The following VPS13A variants were observed in gnomAD, a reference collection of about 807,000 sequenced individuals.
VPS13A encodes the protein vacuolar protein sorting 13 homolog A.
Under a neutral mutation model 390.9 loss-of-function variants are expected in VPS13A, and 264 were observed. The ratio of observed to expected loss-of-function variants is 0.68; its 90% CI spans 0.61 to 0.75. The LOEUF (loss-of-function observed/expected upper bound fraction) is 0.75, where lower values mean the gene tolerates loss of function less well. VPS13A is among the 30% of genes least tolerant of loss of function. The pLI, the probability that VPS13A is intolerant of heterozygous loss-of-function variation, is 0.00. For missense variants in VPS13A, 3,409 were observed against 3,733.9 expected (o/e 0.91, Z 2.27); for synonymous variants, 1,231 against 1,227.1 (o/e 1.00, Z -0.07).
chr9:77,239,996 T>A (rs1220650795), intron 19 of VPS13A, among the ~76,000 whole-genome samples: 1 of 113,134 alleles, frequency 8.8e-6, no homozygotes, highest in African/African-American at 3.1e-5. Context: ...CCATATACTA[T>A]TTTTTTTACT....
At chr9:77,181,146 A>T (rs116750949) in intron 1 of VPS13A, among the ~76,000 whole-genome samples, 5,183 of 152,272 alleles carry the variant, frequency 0.034, 305 homozygotes, top group African/African-American at 0.12. Context: ...GTATTTTTTT[A>T]AAATATTCTT....
rs570501999 is a variant in VPS13A, at chr9:77,311,146, G to A, written c.4115-2846G>A. Among the ~76,000 whole-genome samples the A allele has an allele frequency of 7.1e-4, 108 of 152,018 alleles. 6 individuals carry two copies. The South Asian group carries it at 0.021, about 30-fold the overall frequency. The stretch of plus-strand genomic sequence containing the variant: ...TCACTGTGTTACCCAGGATGGTCTC[G>A]ATCTCCTGACCTCGTGATCCCCCTG... On this transcript the variant is annotated intron_variant, in intron 35 of 71. Transcript: ENST00000360280.
chr9:77,220,099 A>C lies in VPS13A; in HGVS notation c.882+18A>C, dbSNP rs1002784919. The C allele has an allele frequency of 6.3e-7, 1 of 1,590,836 alleles. No individual in the cohort carries two copies. Among genetic ancestry groups the C allele is most frequent in the East Asian group, 2.2e-5 (1 of 44,618 alleles). ...AACCACAGGTGATTTTCTTTAATATAATTTTCAATTGTGAATTATTGTTTG... is the reference window on the plus strand; with the variant it reads ...AACCACAGGTGATTTTCTTTAATATCATTTTCAATTGTGAATTATTGTTTG... On this transcript the variant is annotated intron_variant, in intron 11 of 71. Coordinates refer to ENST00000360280, the MANE Select transcript of VPS13A (RefSeq NM_033305.3).
At chr9:77,272,681 C>T (rs1443993894) in intron 23 of VPS13A, among the ~76,000 whole-genome samples, 1 of 152,022 alleles carries the variant, frequency 6.6e-6, no homozygotes, top group Non-Finnish European at 1.5e-5. Context: ...TAAATAAAAG[C>T]AAGATCATGA....
At chr9:77,374,535 GAATGGCATGC>G (rs1453843745) in intron 67 of VPS13A, among the ~76,000 whole-genome samples, 4 of 152,116 alleles carry the variant, frequency 2.6e-5, no homozygotes, top group Non-Finnish European at 4.4e-5. Context: ...ATACTACTCA[GAATGGCATGC>G]AATTTAAAAT....
chr9:77,239,496 C>G (rs953756528), intron 19 of VPS13A, among the ~76,000 whole-genome samples: 1 of 151,706 alleles, frequency 6.6e-6, no homozygotes, highest in Non-Finnish European at 1.5e-5. Context: ...TAATTTTTTT[C>G]CCTTTGTACT....
intron 67 of VPS13A, among the ~76,000 whole-genome samples, chr9:77,380,203 T>C (rs1371835162): frequency 6.6e-6 from 1 of 152,222 alleles, no homozygotes; most frequent in Admixed American, 6.5e-5. Context: ...GCATATATTT[T>C]CTCCTTTTTA....
chr9:77,255,271 A>G (rs1252034450), intron 22 of VPS13A, among the ~76,000 whole-genome samples: 2 of 152,244 alleles, frequency 1.3e-5, no homozygotes, highest in Admixed American at 6.5e-5. Context: ...AATGATCAAG[A>G]TGATTTTTTT....
At position 77,405,907 on chromosome 9, in the gene VPS13A, T is replaced by G; in HGVS notation, c.9319T>G (p.Cys3107Gly). The G allele has an allele frequency of 6.2e-7, 1 of 1,613,876 alleles. No individual in the cohort carries two copies. The highest frequency in any genetic ancestry group is 8.5e-7 in the Non-Finnish European group (1 of 1,179,922). The part of the protein sequence containing the change: ...VTKGTFGQLT[C>G]EWQYSFDEFT... The stretch of plus-strand genomic sequence containing the variant: ...AAAGGGAACATTTGGACAACTCACG[T>G]GTGAGTGGCAGTATAGTTTTGATGA... The change falls in exon 70 of 72, where the codon TGT (cysteine) becomes GGT (glycine). Residue 3107 changes from cysteine (C) to glycine (G), a missense_variant. Around this residue, in one of 5 missense-constraint regions of VPS13A, gnomAD observed 318 missense variants for 333.7 expected, o/e 0.95. Transcript: ENST00000360280.
rs201300715 is a variant in VPS13A, at chr9:77,332,036, G to C, written c.6018G>C (p.Leu2006=). The C allele has an allele frequency of 1.2e-6, 2 of 1,610,982 alleles. No homozygotes were observed. The highest frequency in any genetic ancestry group is 1.7e-5 in the Admixed American group (1 of 59,950). ...VQIRNHFSVP[L]SVYEGDTLLG... is the part of the protein sequence containing the mutation. The stretch of plus-strand genomic sequence containing the variant: ...TAAGAAATCATTTTTCAGTCCCACT[G>C]TCTGTTTACGAAGGGGATACCTTAT... The change falls in exon 46 of 72, where the codon CTG becomes CTC. Residue 2006 remains leucine (L), a synonymous_variant. Coordinates refer to ENST00000360280, the MANE Select transcript of VPS13A (RefSeq NM_033305.3).
intron 34 of VPS13A, among the ~76,000 whole-genome samples, chr9:77,303,750 T>G (rs1315190189): frequency 6.6e-6 from 1 of 152,214 alleles, no homozygotes; most frequent in Admixed American, 6.5e-5. Flanking sequence ...GACGTGCACG[T>G]AAGCCAGATT....
At chr9:77,217,680 A>G (rs1282701563) in intron 10 of VPS13A, among the ~76,000 whole-genome samples, 3 of 151,920 alleles carry the variant, frequency 2.0e-5, no homozygotes, top group Non-Finnish European at 4.4e-5. Flanking sequence ...CATGATGTTC[A>G]TGTACCACAT....
At chr9:77,301,039 G>A (rs772762894) in intron 33 of VPS13A, among the ~76,000 whole-genome samples, 1 of 152,222 alleles carries the variant, frequency 6.6e-6, no homozygotes, top group Non-Finnish European at 1.5e-5. Flanking sequence ...TAAGGTGCAT[G>A]TGGGAGCACG....
chr9:77,347,158 G>A (rs1409614765), intron 52 of VPS13A, among the ~76,000 whole-genome samples: 1 of 152,036 alleles, frequency 6.6e-6, no homozygotes, highest in Non-Finnish European at 1.5e-5. Flanking sequence ...GTATTGCTTT[G>A]GCTATGAGGG....
intron 35 of VPS13A, among the ~76,000 whole-genome samples, chr9:77,311,259 T>C (rs1005619183): frequency 6.6e-6 from 1 of 152,118 alleles, no homozygotes; most frequent in African/African-American, 2.4e-5. Flanking sequence ...GCTACTTTGT[T>C]ACTGCCCACA....
intron 61 of VPS13A, 24 bp downstream of exon 61, chr9:77,366,896 A>G: frequency 3.7e-6 from 6 of 1,605,984 alleles, no homozygotes; most frequent in Non-Finnish European, 5.1e-6. Context: ...TCAAATCTGT[A>G]AATTGATGGA....
At chr9:77,257,936 G>T (rs911421660) in intron 22 of VPS13A, among the ~76,000 whole-genome samples, 1 of 152,014 alleles carries the variant, frequency 6.6e-6, no homozygotes, top group African/African-American at 2.4e-5. Flanking sequence ...TTTAACTTAT[G>T]TAGAAAATAA....
chr9:77,231,231 C>G (rs1466719006), intron 17 of VPS13A, among the ~76,000 whole-genome samples: 2 of 151,966 alleles, frequency 1.3e-5, no homozygotes, highest in Non-Finnish European at 1.5e-5. Context: ...TGTTTTCTTG[C>G]CTAATTGCCC....
At chr9:77,371,741 T>C (rs1832767047) in intron 67 of VPS13A, among the ~76,000 whole-genome samples, 2 of 150,662 alleles carry the variant, frequency 1.3e-5, no homozygotes, top group Admixed American at 6.6e-5. Flanking sequence ...TGTGCCATGC[T>C]GGTGCGCTGC....
Sources: gnomAD v4.1 joint callset for allele counts (sites outside exome capture counted in the v4.1 genomes callset) on GRCh38, gnomAD v4.1.1 for gene constraint, gnomAD v4.1.1 regional missense constraint, MANE v1.5 for transcripts, NCBI Gene and HGNC (gene_info 2026-07-23, HGNC 2026-07-21) for gene names.